CACUL1: variants seen among roughly 807,000 people sequenced by gnomAD.
CACUL1 encodes CDK2 associated cullin domain 1.
In CACUL1, 13 loss-of-function variants were observed where a neutral mutation model predicts 45.2. The ratio of observed to expected loss-of-function variants is 0.29; its 90% CI spans 0.19 to 0.46. CACUL1 has a LOEUF of 0.46. CACUL1 is among the 20% of genes least tolerant of loss of function. CACUL1 has a pLI of 1.00. For synonymous variants in CACUL1, 197 were observed against 174.2 expected (o/e 1.13, Z -1.03); for missense variants, 421 against 471.4 (o/e 0.89, Z 0.99).
chr10:118,746,443 T>C (rs190966718), intron 1 of CACUL1, among the ~76,000 whole-genome samples: 1 of 152,300 alleles, frequency 6.6e-6, no homozygotes, highest in African/African-American at 2.4e-5. Context: ...TCTCACACTA[T>C]ACAGACATCA....
chr10:118,688,531 CAATG>C (rs1268629296), intron 7 of CACUL1, among the ~76,000 whole-genome samples: 2 of 151,708 alleles, frequency 1.3e-5, no homozygotes, highest in African/African-American at 4.9e-5. Context: ...AAAGGAGTAT[CAATG>C]TGATTTATGC....
intron 5 of CACUL1, among the ~76,000 whole-genome samples, chr10:118,698,006 T>C (rs1239701588): frequency 1.3e-5 from 2 of 152,236 alleles, no homozygotes; most frequent in Admixed American, 1.3e-4. Context: ...AAGAAGTCAT[T>C]GTCTTCATTC....
chr10:118,733,249 A>G (rs1293075403), intron 1 of CACUL1, among the ~76,000 whole-genome samples: 5 of 152,226 alleles, frequency 3.3e-5, no homozygotes, highest in Non-Finnish European at 7.3e-5. Context: ...ATGCTTTTAA[A>G]TATCTTTGAA....
intron 3 of CACUL1, among the ~76,000 whole-genome samples, chr10:118,720,418 C>T (rs1158278126): frequency 2.0e-5 from 3 of 152,160 alleles, no homozygotes; most frequent in African/African-American, 7.2e-5. Flanking sequence ...CACCTATTTG[C>T]TATTATTTTG....
chr10:118,752,549 C>T (rs1845908694), intron 1 of CACUL1, among the ~76,000 whole-genome samples: 1 of 152,202 alleles, frequency 6.6e-6, no homozygotes, highest in Non-Finnish European at 1.5e-5. Context: ...ATTTATTCTG[C>T]AGTATTTTCA....
At chr10:118,745,425 G>C (rs1368899691) in intron 1 of CACUL1, among the ~76,000 whole-genome samples, 1 of 152,108 alleles carries the variant, frequency 6.6e-6, no homozygotes, top group East Asian at 1.9e-4. Flanking sequence ...AGCTGGGTGT[G>C]GTGGCACATG....
rs543037396 is a variant in CACUL1 at position 118,684,533 on chromosome 10, A to G, written c.*1595T>C. The G allele has an allele frequency of 1.3e-5, 2 of 152,376 alleles. No homozygotes were observed. Among genetic ancestry groups the G allele is most frequent in the South Asian group, 4.1e-4 (2 of 4,830 alleles). 9.4% of individuals were successfully genotyped at this position (152,376 alleles called of 1,614,324 possible). On this transcript the variant is annotated 3_prime_UTR_variant, in exon 9 of 9. Coordinates refer to ENST00000369151, the MANE Select transcript of CACUL1 (RefSeq NM_153810.5). ...TGAATTGAGTCCAATTAAAGTCCAC[A>G]AAATCCACGAACTCTGGTTAAGTAC...
Position 118,695,168 on chromosome 10 carries a change from C to T in CACUL1, c.859G>A (p.Val287Met). 10 of 1,605,894 alleles carry T rather than the reference C, an allele frequency of 6.2e-6. No homozygotes were observed. Among genetic ancestry groups the T allele is most frequent in the Non-Finnish European group, 8.5e-6 (10 of 1,172,680 alleles). ...QVTPSTMANI[V>M]KGLYTLRPEW... ...GGTCTGAGGGTATACAGGCCTTTCA[C>T]AATATTTGCCATAGTTGAAGGTGTG... The change falls in exon 6 of 9, where the codon GTG becomes ATG. Residue 287 changes from valine (V) to methionine (M), a missense_variant. Val to Met is a conservative substitution (Grantham distance 21, BLOSUM62 1). This residue lies in a region of CACUL1 where 208 missense variants were observed against 298.4 expected (regional missense o/e 0.70). Transcript: ENST00000369151.
At chr10:118,710,865 T>TTAAGTCCCTA (rs1845477385) in intron 3 of CACUL1, among the ~76,000 whole-genome samples, 1 of 152,252 alleles carries the variant, frequency 6.6e-6, no homozygotes, top group Non-Finnish European at 1.5e-5. Flanking sequence ...AACAAGGCTG[T>TTAAGTCCCTA]ATGACATTAG....
At chr10:118,753,428 C>T (rs1051460761) in intron 1 of CACUL1, among the ~76,000 whole-genome samples, 1 of 152,184 alleles carries the variant, frequency 6.6e-6, no homozygotes, top group African/African-American at 2.4e-5. Flanking sequence ...AGTTGCTTTA[C>T]CAGATGCCAC....
intron 4 of CACUL1, among the ~76,000 whole-genome samples, chr10:118,706,012 T>C (rs1342299905): frequency 2.6e-5 from 4 of 152,322 alleles, no homozygotes; most frequent in African/African-American, 7.2e-5. Context: ...AAGAGTAAGT[T>C]TGAAGTTCGT....
intron 6 of CACUL1, chr10:118,693,554 CT>C (rs1472505780): frequency 1.0e-4 from 34 of 332,512 alleles, no homozygotes; most frequent in Non-Finnish European, 1.8e-4. Context: ...CAATACTTTT[CT>C]ACCTTTAGTG....
In CACUL1 at chr10:118,683,646, G is replaced by A. The variant is rs1251664520; in HGVS notation, c.*2482C>T. The A allele has an allele frequency of 6.6e-6, 1 of 152,182 alleles. No individual in the cohort carries two copies. The highest frequency in any genetic ancestry group is 2.4e-5 in the African/African-American group (1 of 41,440). The allele number at this position is 152,182 out of a possible 1,614,324, so 9.4% of individuals were successfully genotyped here. A position where few individuals can be genotyped will look rare whatever the true frequency, so the allele number is the denominator to read the frequency against. On this transcript the variant is annotated 3_prime_UTR_variant, in exon 9 of 9. Coordinates refer to ENST00000369151, the MANE Select transcript of CACUL1 (RefSeq NM_153810.5). ...GGAGGCAGAGGTTGCAGTGAGCTGA[G>A]ATTGCACCACTGCACTCCAGCCTGG...
In CACUL1 at chr10:118,685,944, GT is replaced by G. The variant is rs572173441; in HGVS notation, c.*183del. Reference sequence around the variant, plus strand: ...AATCACCCCCAAGTCTAGCAGCAACGTTTTTTTTTTTTTTAGTTTTTGTTTT... The same window carrying G: ...AATCACCCCCAAGTCTAGCAGCAACGTTTTTTTTTTTTTAGTTTTTGTTTT... On this transcript the variant is annotated 3_prime_UTR_variant, in exon 9 of 9. Coordinates refer to ENST00000369151, the MANE Select transcript of CACUL1 (RefSeq NM_153810.5). The G allele has an allele frequency of 0.13, 41,907 of 319,312 alleles. 290 individuals carry two copies. Among genetic ancestry groups the G allele is most frequent in the Admixed American group, 0.17 (3,496 of 20,986 alleles). 19.8% of individuals were successfully genotyped at this position (319,312 alleles called of 1,614,324 possible).
intron 5 of CACUL1, among the ~76,000 whole-genome samples, chr10:118,697,626 T>A (rs1224728338): frequency 2.0e-5 from 3 of 152,222 alleles, no homozygotes; most frequent in Non-Finnish European, 4.4e-5. Context: ...TGAAAAGCAA[T>A]TCATAAAACT....
chr10:118,716,319 T>C (rs1845544704), intron 3 of CACUL1, among the ~76,000 whole-genome samples: 1 of 144,762 alleles, frequency 6.9e-6, no homozygotes, highest in Non-Finnish European at 1.5e-5. Context: ...TTTTTTTTTT[T>C]CCTGTGTGCA....
chr10:118,726,325 A>C (rs1845651119), intron 3 of CACUL1: 1 of 1,288,128 alleles, frequency 7.8e-7, no homozygotes, highest in Non-Finnish European at 1.0e-6. Context: ...TAATTATGCT[A>C]CTCTTTCCAT....
chr10:118,691,131 T>C (rs1224286629), intron 7 of CACUL1, 134 bp downstream of exon 7: 3 of 726,616 alleles, frequency 4.1e-6, no homozygotes, highest in Non-Finnish European at 6.9e-6. Flanking sequence ...AAGGAGCTAA[T>C]GTCTTCTTGC....
At chr10:118,738,846 A>G (rs1000576161) in intron 1 of CACUL1, among the ~76,000 whole-genome samples, 1 of 150,888 alleles carries the variant, frequency 6.6e-6, no homozygotes, top group African/African-American at 2.4e-5. Flanking sequence ...AAGGTAAGAT[A>G]AAAATTAAAA....
Sources: allele counts gnomAD v4.1 joint callset (sites outside exome capture counted in the v4.1 genomes callset), GRCh38; gene constraint gnomAD v4.1.1; regional missense constraint gnomAD v4.1.1; transcripts MANE v1.5; gene names NCBI Gene and HGNC (gene_info 2026-07-23, HGNC 2026-07-21).